The following RBFOX1 variants were observed in gnomAD, a reference collection of about 807,000 sequenced individuals.
RBFOX1 encodes RNA binding fox-1 homolog 1.
Under a neutral mutation model 57.7 loss-of-function variants are expected in RBFOX1, and 8 were observed. The ratio of observed to expected loss-of-function variants is 0.14; its 90% CI spans 0.08 to 0.25. The LOEUF is 0.25. Among genes scored for constraint, RBFOX1 ranks in the 10% least tolerant of loss-of-function variants. RBFOX1 has a pLI of 1.00. For synonymous variants in RBFOX1, 326 were observed against 222.4 expected, an observed-to-expected ratio of 1.47 and a Z score of -4.15; for missense variants, 611 against 548.5, an observed-to-expected ratio of 1.11 and a Z score of -1.14.
chr16:5,553,807 TAG>T (rs1291784505), intron 2 of RBFOX1, among the ~76,000 whole-genome samples: 5 of 150,674 alleles, frequency 3.3e-5, no homozygotes, highest in Non-Finnish European at 5.9e-5. Flanking sequence ...TATACTACTA[TAG>T]AGTTTTTATA....
intron 4 of RBFOX1, among the ~76,000 whole-genome samples, chr16:7,277,837 G>A (rs1035521383): frequency 8.6e-5 from 13 of 151,848 alleles, no homozygotes; most frequent in Non-Finnish European, 1.9e-4. Flanking sequence ...GAATTCCCAC[G>A]TCAGTGTTTG....
chr16:7,645,927 T>A (rs1273002124), intron 11 of RBFOX1, among the ~76,000 whole-genome samples: 1 of 151,196 alleles, frequency 6.6e-6, no homozygotes, highest in East Asian at 1.9e-4. Context: ...GATGGAAGCT[T>A]TCTCCCCCAC....
intron 1 of RBFOX1, among the ~76,000 whole-genome samples, chr16:5,374,576 G>C (rs888041371): frequency 6.6e-6 from 1 of 152,164 alleles, no homozygotes; most frequent in Admixed American, 6.5e-5. Flanking sequence ...AGATGGGCAG[G>C]GTCCGGCTAA....
intron 3 of RBFOX1, among the ~76,000 whole-genome samples, chr16:5,861,845 A>C (rs1202260676): frequency 1.3e-5 from 2 of 152,214 alleles, no homozygotes; most frequent in Non-Finnish European, 2.9e-5. Context: ...ATGAAACCAG[A>C]AAACCAAAGG....
chr16:5,242,120 AAG>A (rs146029127), intron 1 of RBFOX1, among the ~76,000 whole-genome samples: 33 of 150,234 alleles, frequency 2.2e-4, no homozygotes, highest in Non-Finnish European at 3.1e-4. Flanking sequence ...TTTCAAGGAA[AAG>A]AGAGAGAGAG....
At chr16:7,605,277 A>C (rs2095240904) in intron 9 of RBFOX1, among the ~76,000 whole-genome samples, 1 of 152,180 alleles carries the variant, frequency 6.6e-6, no homozygotes. Flanking sequence ...GTCACTATAG[A>C]AATTCTTATA....
chr16:6,841,336 G>C (rs186566437), intron 3 of RBFOX1, among the ~76,000 whole-genome samples: 198 of 152,286 alleles, frequency 1.3e-3, no homozygotes, highest in Admixed American at 2.1e-3. Flanking sequence ...CAGCAAACAT[G>C]CATTGAAGAA....
intron 3 of RBFOX1, among the ~76,000 whole-genome samples, chr16:6,881,512 T>C (rs2062926936): frequency 6.6e-6 from 1 of 152,174 alleles, no homozygotes; most frequent in African/African-American, 2.4e-5. Context: ...TGTGTATCTT[T>C]ACATCATCTT....
At chr16:6,904,994 G>T (rs1471373197) in intron 3 of RBFOX1, among the ~76,000 whole-genome samples, 2 of 152,264 alleles carry the variant, frequency 1.3e-5, no homozygotes, top group Non-Finnish European at 2.9e-5. Flanking sequence ...TGTCAGAGGT[G>T]CTGTGCTTGT....
At chr16:7,332,020 G>T (rs1473184410) in intron 4 of RBFOX1, among the ~76,000 whole-genome samples, 1 of 152,016 alleles carries the variant, frequency 6.6e-6, no homozygotes, top group African/African-American at 2.4e-5. Flanking sequence ...TTAATGTATT[G>T]CATATTAATA....
At chr16:6,411,157 T>G (rs895199552) in intron 2 of RBFOX1, among the ~76,000 whole-genome samples, 7 of 152,144 alleles carry the variant, frequency 4.6e-5, no homozygotes, top group Admixed American at 4.6e-4. Flanking sequence ...GTTTTTAAAT[T>G]TTTTTTGTAG....
chr16:5,318,081 A>G (rs895870600), intron 1 of RBFOX1, among the ~76,000 whole-genome samples: 4 of 152,120 alleles, frequency 2.6e-5, no homozygotes, highest in African/African-American at 9.7e-5. Flanking sequence ...TTTGAGTTAA[A>G]GTGTCTCCTG....
chr16:5,608,427 T>C (rs1253848558), intron 3 of RBFOX1, among the ~76,000 whole-genome samples: 2 of 152,192 alleles, frequency 1.3e-5, no homozygotes, highest in East Asian at 3.9e-4. Context: ...AGTGGTTCTG[T>C]GCATGGCTGG....
chr16:7,106,695 C>G (rs927455147), intron 4 of RBFOX1, among the ~76,000 whole-genome samples: 1 of 151,794 alleles, frequency 6.6e-6, no homozygotes, highest in African/African-American at 2.4e-5. Context: ...TGTGTGAGCT[C>G]CATGCTAGGT....
intron 2 of RBFOX1, among the ~76,000 whole-genome samples, chr16:6,654,322 C>A (rs1347954350): frequency 1.1e-4 from 16 of 152,190 alleles, no homozygotes; most frequent in African/African-American, 7.2e-5. Context: ...TATGAGCTAT[C>A]AGTTCCTCTT....
chr16:6,381,207 G>C (rs1372127112), intron 2 of RBFOX1, among the ~76,000 whole-genome samples: 1 of 152,126 alleles, frequency 6.6e-6, no homozygotes, highest in African/African-American at 2.4e-5. Context: ...TTTAAGATGT[G>C]TAAGTACAAA....
intron 3 of RBFOX1, among the ~76,000 whole-genome samples, chr16:5,654,556 G>C (rs1257427093): frequency 1.3e-5 from 2 of 152,102 alleles, no homozygotes; most frequent in African/African-American, 2.4e-5. Context: ...GGACTTTCTG[G>C]TTCAAGCCTG....
intron 1 of RBFOX1, among the ~76,000 whole-genome samples, chr16:6,118,533 G>GCCTCCGCCT (rs1197749564): frequency 6.6e-6 from 1 of 151,890 alleles, no homozygotes; most frequent in Non-Finnish European, 1.5e-5. Context: ...TGCTGCCGCC[G>GCCTCCGCCT]CCTCCGCCTC....
chr16:5,467,284 T>A, intron 2 of RBFOX1: 1 of 1,469,214 alleles, frequency 6.8e-7, no homozygotes, highest in Non-Finnish European at 9.2e-7. Flanking sequence ...TGACTTAGGA[T>A]GTCTGTGAAG....
Sources: gnomAD v4.1 joint callset for allele counts (sites outside exome capture counted in the v4.1 genomes callset) on GRCh38, gnomAD v4.1.1 for gene constraint, MANE v1.5 for transcripts, NCBI Gene and HGNC (gene_info 2026-07-23, HGNC 2026-07-21) for gene names.